Variants in KCNIP4 observed in about 807,000 individuals in gnomAD.
The protein encoded by KCNIP4 is Kv channel-interacting protein 4.
In KCNIP4, 12 loss-of-function variants were observed where a neutral mutation model predicts 34.0. The observed-to-expected ratio is 0.35, with a 90% confidence interval of 0.23 to 0.57. KCNIP4 has a LOEUF of 0.57. KCNIP4 is among the 20% of genes least tolerant of loss of function. The probability of loss-of-function intolerance (pLI) is 0.83; values close to 1 mark genes in which losing one functional copy is unlikely to be tolerated. For synonymous variants in KCNIP4, 124 were observed against 102.2 expected (o/e 1.21, Z -1.29); for missense variants, 238 against 311.7 (o/e 0.76, Z 1.78).
chr4:21,667,106 G>C (rs1749033648), intron 1 of KCNIP4, among the ~76,000 whole-genome samples: 1 of 152,144 alleles, frequency 6.6e-6, no homozygotes, highest in Admixed American at 6.6e-5. Context: ...ACTTGAAGAG[G>C]AAAGAGACGA....
intron 1 of KCNIP4, among the ~76,000 whole-genome samples, chr4:21,097,534 C>G (rs1039939553): frequency 6.6e-6 from 1 of 152,008 alleles, no homozygotes; most frequent in Non-Finnish European, 1.5e-5. Context: ...GTAATTATTA[C>G]AATATTTACA....
At chr4:21,441,687 A>G (rs1203356153) in intron 1 of KCNIP4, among the ~76,000 whole-genome samples, 1 of 152,162 alleles carries the variant, frequency 6.6e-6, no homozygotes, top group Non-Finnish European at 1.5e-5. Flanking sequence ...TCCTCCTACG[A>G]TTACTTTCAA....
intron 1 of KCNIP4, among the ~76,000 whole-genome samples, chr4:20,909,076 T>C (rs1728077062): frequency 6.6e-6 from 1 of 152,212 alleles, no homozygotes; most frequent in African/African-American, 2.4e-5. Flanking sequence ...TTACATAATC[T>C]GTTACAGAGG....
chr4:21,506,153 A>G (rs751011688), intron 1 of KCNIP4, among the ~76,000 whole-genome samples: 7 of 152,206 alleles, frequency 4.6e-5, no homozygotes, highest in Non-Finnish European at 8.8e-5. Flanking sequence ...TATTATGTGG[A>G]CATGTGCTTA....
intron 1 of KCNIP4, among the ~76,000 whole-genome samples, chr4:21,421,434 T>A (rs1173266853): frequency 6.6e-6 from 1 of 152,200 alleles, no homozygotes; most frequent in Non-Finnish European, 1.5e-5. Context: ...GCAATATTAC[T>A]GAGCCTTTAA....
intron 1 of KCNIP4, among the ~76,000 whole-genome samples, chr4:21,348,415 G>A (rs1439848637): frequency 6.6e-6 from 1 of 152,140 alleles, no homozygotes; most frequent in African/African-American, 2.4e-5. Context: ...GAAAACATAA[G>A]CAAGCATATT....
chr4:20,923,692 A>G (rs1046806420), intron 1 of KCNIP4, among the ~76,000 whole-genome samples: 2 of 152,188 alleles, frequency 1.3e-5, no homozygotes, highest in African/African-American at 2.4e-5. Flanking sequence ...TTATTTCTAC[A>G]AAACAATAAG....
intron 1 of KCNIP4, among the ~76,000 whole-genome samples, chr4:21,651,349 T>A (rs1420508639): frequency 6.6e-6 from 1 of 152,146 alleles, no homozygotes; most frequent in African/African-American, 2.4e-5. Flanking sequence ...GGAGAGGGCA[T>A]AACAGGAAAT....
chr4:21,421,828 T>C (rs369316822), intron 1 of KCNIP4, among the ~76,000 whole-genome samples: 24 of 152,332 alleles, frequency 1.6e-4, no homozygotes, highest in East Asian at 5.8e-4. Context: ...TATTTCAAAG[T>C]GTATACATAT....
In KCNIP4 at chr4:21,896,712, A is replaced by G. The variant is rs576732743; in HGVS notation, c.61+51859T>C. On this transcript the variant is annotated intron_variant, in intron 1 of 8. Transcript: ENST00000382152. ...GGCAGGCAGATCATTTGAGGTTAGGAGTTTGAGATCAGGCTGGCCAACATA... is the reference window on the plus strand; with the variant it reads ...GGCAGGCAGATCATTTGAGGTTAGGGGTTTGAGATCAGGCTGGCCAACATA... Among the ~76,000 whole-genome samples the G allele has an allele frequency of 6.6e-5, 10 of 152,202 alleles. No individual in the cohort carries two copies. In the East Asian group the frequency reaches 1.4e-3, roughly 21 times the overall value.
intron 1 of KCNIP4, among the ~76,000 whole-genome samples, chr4:21,324,871 T>C (rs1175683318): frequency 6.6e-6 from 1 of 151,988 alleles, no homozygotes; most frequent in Non-Finnish European, 1.5e-5. Context: ...TTTAATAATA[T>C]TGTTTTTTCA....
At chr4:21,717,757 G>C (rs1267412719) in intron 1 of KCNIP4, among the ~76,000 whole-genome samples, 1 of 152,086 alleles carries the variant, frequency 6.6e-6, no homozygotes, top group Non-Finnish European at 1.5e-5. Flanking sequence ...CAAGGCTCTT[G>C]ATCACTGTCA....
intron 1 of KCNIP4, among the ~76,000 whole-genome samples, chr4:21,432,738 AC>A (rs1336355204): frequency 6.6e-6 from 1 of 152,234 alleles, no homozygotes; most frequent in Admixed American, 6.5e-5. Context: ...ATCAATGTGC[AC>A]CAGCATTCTT....
chr4:21,590,827 T>TGATC (rs1742147231), intron 1 of KCNIP4, among the ~76,000 whole-genome samples: 1 of 151,960 alleles, frequency 6.6e-6, no homozygotes, highest in South Asian at 2.1e-4. Context: ...TAGACAAAAC[T>TGATC]GATCCTCTCT....
At chr4:21,045,909 A>G (rs1344973342) in intron 1 of KCNIP4, among the ~76,000 whole-genome samples, 2 of 152,226 alleles carry the variant, frequency 1.3e-5, no homozygotes, top group African/African-American at 2.4e-5. Flanking sequence ...ATAAACTCAG[A>G]CCGATCCTGC....
chr4:21,365,236 G>A (rs1719627305), intron 1 of KCNIP4, among the ~76,000 whole-genome samples: 1 of 152,028 alleles, frequency 6.6e-6, no homozygotes, highest in African/African-American at 2.4e-5. Flanking sequence ...TGTAATCCCA[G>A]CACTTTGGGA....
chr4:21,584,139 T>C (rs1398523465), intron 1 of KCNIP4, among the ~76,000 whole-genome samples: 3 of 152,026 alleles, frequency 2.0e-5, no homozygotes, highest in Non-Finnish European at 2.9e-5. Flanking sequence ...ACATGAGCAG[T>C]TGGAAAAATC....
chr4:21,048,196 T>C (rs769969615), intron 1 of KCNIP4, among the ~76,000 whole-genome samples: 25 of 152,196 alleles, frequency 1.6e-4, no homozygotes, highest in Admixed American at 3.3e-4. Context: ...CAAACCTCAG[T>C]TGGTTATCAT....
intron 1 of KCNIP4, among the ~76,000 whole-genome samples, chr4:21,536,737 C>T (rs927964095): frequency 7.3e-5 from 11 of 151,572 alleles, no homozygotes; most frequent in East Asian, 3.9e-4. Context: ...GCCGAGATCA[C>T]GCCACTGCAC....
Sources: allele counts gnomAD v4.1 joint callset (sites outside exome capture counted in the v4.1 genomes callset), GRCh38; gene constraint gnomAD v4.1.1; transcripts MANE v1.5; gene names NCBI Gene and HGNC (gene_info 2026-07-23, HGNC 2026-07-21).